The following NAMPT variants were observed in gnomAD, a reference collection of about 807,000 sequenced individuals.
NAMPT encodes NAmPRTase.
In NAMPT, 7 loss-of-function variants were observed where a neutral mutation model predicts 58.7. The observed-to-expected ratio is 0.12, with a 90% confidence interval of 0.07 to 0.22. NAMPT has a LOEUF of 0.22. Among genes scored for constraint, NAMPT ranks in the 10% least tolerant of loss-of-function variants. The pLI is 1.00. For missense variants in NAMPT, 271 were observed against 567.9 expected (o/e 0.48, Z 5.31); for synonymous variants, 145 against 198.1 (o/e 0.73, Z 2.25).
intron 5 of NAMPT, 128 bp from the exon 6 acceptor site, chr7:106,268,728 GTATT>G: frequency 1.5e-6 from 1 of 684,150 alleles, no homozygotes; most frequent in Admixed American, 2.7e-5. Flanking sequence ...TCTTAGGAAA[GTATT>G]TATTGTCAGA....
At chr7:106,252,909 A>G (rs1022742989) in intron 10 of NAMPT, 108 bp downstream of exon 10, 2 of 1,345,028 alleles carry the variant, frequency 1.5e-6, no homozygotes, top group Admixed American at 2.3e-5. Context: ...ATAATAAAAT[A>G]TAATACTTTG....
At chr7:106,256,853 T>C (rs574790477) in intron 8 of NAMPT, among the ~76,000 whole-genome samples, 1 of 152,294 alleles carries the variant, frequency 6.6e-6, no homozygotes, top group Admixed American at 6.5e-5. Context: ...TATTATCCTT[T>C]AGGTACACCA....
chr7:106,258,698 A>G (rs1234163753), intron 8 of NAMPT, among the ~76,000 whole-genome samples: 1 of 152,216 alleles, frequency 6.6e-6, no homozygotes, highest in Non-Finnish European at 1.5e-5. Flanking sequence ...TAAGTGTGCA[A>G]TAGCATTATG....
At chr7:106,285,589 C>G (rs1274396249), upstream of NAMPT, 74 of 985,878 alleles carry the variant, frequency 7.5e-5, no homozygotes, top group Non-Finnish European at 8.7e-5. Context: ...CTCCATCCCT[C>G]TTGTCCCTCC....
chr7:106,274,760 C>T (rs1792601363), intron 3 of NAMPT, among the ~76,000 whole-genome samples, 186 bp downstream of exon 3: 1 of 152,146 alleles, frequency 6.6e-6, no homozygotes, highest in South Asian at 2.1e-4. Context: ...GAGGCTAAGG[C>T]AGGAGAATAG....
At chr7:106,279,051 T>G (rs544077762) in intron 1 of NAMPT, among the ~76,000 whole-genome samples, 1 of 152,246 alleles carries the variant, frequency 6.6e-6, no homozygotes, top group East Asian at 1.9e-4. Flanking sequence ...TGTATCTTGG[T>G]CTAAAAGTAT....
At chr7:106,252,546 A>AT (rs1003956575) in intron 10 of NAMPT, among the ~76,000 whole-genome samples, 1 of 152,032 alleles carries the variant, frequency 6.6e-6, no homozygotes, top group African/African-American at 2.4e-5. Flanking sequence ...AAAACCAAAA[A>AT]TTTTTTAACT....
chr7:106,282,735 G>C (rs938092577), intron 1 of NAMPT, among the ~76,000 whole-genome samples: 1 of 152,118 alleles, frequency 6.6e-6, no homozygotes, highest in Non-Finnish European at 1.5e-5. Context: ...GTAGTGCTTA[G>C]GCAATCAATT....
intron 1 of NAMPT, among the ~76,000 whole-genome samples, chr7:106,278,270 T>C (rs2115827359): frequency 6.6e-6 from 1 of 151,662 alleles, no homozygotes; most frequent in East Asian, 1.9e-4. Flanking sequence ...ATATTTCCAT[T>C]GATGATTCTG....
In NAMPT at chr7:106,248,638, C is replaced by T. The variant is rs574978389; in HGVS notation, c.*2445G>A. On this transcript the variant is annotated 3_prime_UTR_variant, in exon 11 of 11. Transcript: ENST00000222553. ...TAAGAGTCTTAACACAGAAATCCTA[C>T]CTCCTATTTAAGATATAAATACTTG... 6.6e-6 allele frequency: 1 copy of T among 152,098 alleles called. No individual in the cohort carries two copies. Among genetic ancestry groups the T allele is most frequent in the South Asian group, 2.1e-4 (1 of 4,826 alleles). The allele number at this position is 152,098 out of a possible 1,614,324, so 9.4% of individuals were successfully genotyped here. A position where few individuals can be genotyped will look rare whatever the true frequency, so the allele number is the denominator to read the frequency against.
At chr7:106,258,361 A>G (rs529553623) in intron 8 of NAMPT, among the ~76,000 whole-genome samples, 1 of 152,218 alleles carries the variant, frequency 6.6e-6, no homozygotes, top group South Asian at 2.1e-4. Context: ...CTCTATCTCC[A>G]CCAAACTCTT....
chr7:106,254,607 T>A, intron 8 of NAMPT, 103 bp from the exon 9 acceptor site: 2 of 1,267,486 alleles, frequency 1.6e-6, no homozygotes, highest in Non-Finnish European at 2.2e-6. Context: ...TCCAAGACTG[T>A]TTTATAACAC....
chr7:106,274,479 C>T (rs1423414828), intron 3 of NAMPT, among the ~76,000 whole-genome samples: 1 of 151,974 alleles, frequency 6.6e-6, no homozygotes, highest in Non-Finnish European at 1.5e-5. Context: ...TATAACTTTT[C>T]AAAAGGATAT....
At chr7:106,264,371 G>A (rs1382331663) in intron 6 of NAMPT, among the ~76,000 whole-genome samples, 3 of 151,942 alleles carry the variant, frequency 2.0e-5, no homozygotes, top group South Asian at 4.1e-4. Context: ...CAGTTCTTAC[G>A]GGATAGATTT....
intron 8 of NAMPT, among the ~76,000 whole-genome samples, chr7:106,256,523 A>G (rs895269603): frequency 1.3e-5 from 2 of 152,256 alleles, no homozygotes; most frequent in African/African-American, 4.8e-5. Context: ...TTTCATACCA[A>G]TGAATGTAAA....
At chr7:106,263,880 C>CTGTG (rs371123154) in intron 6 of NAMPT, among the ~76,000 whole-genome samples, 3 of 151,648 alleles carry the variant, frequency 2.0e-5, no homozygotes, top group Admixed American at 6.6e-5. Context: ...AACCAATTAT[C>CTGTG]TGTGTGTGTG....
intron 9 of NAMPT, 82 bp from the exon 10 acceptor site, chr7:106,253,233 T>C (rs1459039367): frequency 2.1e-5 from 30 of 1,434,316 alleles, no homozygotes; most frequent in Non-Finnish European, 2.7e-5. Context: ...AAAAAGCACA[T>C]ACATAATTTA....
intron 6 of NAMPT, among the ~76,000 whole-genome samples, chr7:106,265,983 A>ATTTATCATCAATGACCTTG (rs1792401168): frequency 6.6e-6 from 1 of 152,216 alleles, no homozygotes; most frequent in Non-Finnish European, 1.5e-5. Context: ...ATAGTAGCTC[A>ATTTATCATCAATGACCTTG]TTTATCATCA....
At chr7:106,253,498 G>A (rs775536792) in intron 9 of NAMPT, 1 of 197,700 alleles carries the variant, frequency 5.1e-6, no homozygotes, top group Non-Finnish European at 1.1e-5. Flanking sequence ...AGCACAGCAT[G>A]TACATGCTGT....
Sources: allele counts gnomAD v4.1 joint callset (sites outside exome capture counted in the v4.1 genomes callset), GRCh38; gene constraint gnomAD v4.1.1; transcripts MANE v1.5; gene names NCBI Gene and HGNC (gene_info 2026-07-23, HGNC 2026-07-21).